Variants in TTLL10 observed in about 807,000 individuals in gnomAD.
The protein encoded by TTLL10 is tubulin tyrosine ligase like 10.
TTLL10 carries 61 observed loss-of-function variants against 69.0 expected under a neutral mutation model. That is an observed-to-expected ratio of 0.88 (90% CI 0.72 to 1.09). The LOEUF is 1.09. Ranked by LOEUF, TTLL10 falls within the 50% of genes least tolerant of loss-of-function variation. The pLI is 0.00. For synonymous variants in TTLL10, 408 were observed against 393.3 expected (o/e 1.04, Z -0.44); for missense variants, 962 against 945.9 (o/e 1.02, Z -0.22).
At position 1,184,101 on chromosome 1, in the gene TTLL10, C is replaced by T. The variant is rs375453092; in HGVS notation, c.1260+10C>T. On this transcript the variant is annotated intron_variant, in intron 12 of 15. Coordinates refer to ENST00000379289, the MANE Select transcript of TTLL10 (RefSeq NM_001130045.2). Reference sequence around the variant, plus strand: ...CCACTTGACCAACCAGGTGAGTCTGCCATGGGTGAGGGCCCTCCCTGCAGC... The same window carrying T: ...CCACTTGACCAACCAGGTGAGTCTGTCATGGGTGAGGGCCCTCCCTGCAGC... 9 of 1,614,012 alleles carry T rather than the reference C, an allele frequency of 5.6e-6. 1 individual carries two copies. The highest frequency in any genetic ancestry group is 2.7e-5 in the African/African-American group (2 of 74,930).
Position 1,181,548 on chromosome 1 carries a change from A to G in TTLL10, c.756-193A>G, listed in dbSNP as rs1232940031. Among the ~76,000 whole-genome samples the G allele has an allele frequency of 1.3e-5, 2 of 151,804 alleles. No individual in the cohort carries two copies. The highest frequency in any genetic ancestry group is 2.9e-5 in the Non-Finnish European group (2 of 67,974). On this transcript the variant is annotated intron_variant, in intron 8 of 15. Coordinates refer to ENST00000379289, the MANE Select transcript of TTLL10 (RefSeq NM_001130045.2). This position sits in a 1 kb window ranked among gnomAD's most constrained non-coding sequence, Gnocchi z 4.6. Reference sequence around the variant, plus strand: ...TTGCCTGTGACACCAGCTTTACACCATGTCCAGCGTCCACTTCCAGCCTAG... The same window carrying G: ...TTGCCTGTGACACCAGCTTTACACCGTGTCCAGCGTCCACTTCCAGCCTAG...
intron 8 of TTLL10, 137 bp downstream of exon 8, chr1:1,180,997 C>G (rs967317414): frequency 9.7e-5 from 72 of 744,444 alleles, no homozygotes; most frequent in Non-Finnish European, 1.2e-4. Flanking sequence ...CCCAGGCTCC[C>G]AGGCTGGCTC....
rs1344499917 is a variant in TTLL10, at chr1:1,180,513, G to T, written c.537G>T (p.Trp179Cys). The part of the protein sequence containing the change: ...IISSYCKSKG[W>C]QRIHDSRRDD... Reference sequence around the variant, plus strand: ...GCTCCTACTGCAAAAGCAAGGGCTGGCAGCGCATCCATGACAGCCGCCGGG... The same window carrying T: ...GCTCCTACTGCAAAAGCAAGGGCTGTCAGCGCATCCATGACAGCCGCCGGG... Residue 179 changes from tryptophan (W) to cysteine (C), a missense_variant, in exon 7 of 16, where the codon TGG becomes TGT. Physicochemically the swap from Trp to Cys is radical, Grantham distance 215. Transcript: ENST00000379289. The T allele has an allele frequency of 6.4e-7, 1 of 1,552,912 alleles. No individual in the cohort carries two copies. The highest frequency in any genetic ancestry group is 8.7e-7 in the Non-Finnish European group (1 of 1,148,108).
intron 13 of TTLL10, among the ~76,000 whole-genome samples, chr1:1,191,573 T>C (rs1268042399): frequency 6.6e-6 from 1 of 152,168 alleles, no homozygotes; most frequent in Non-Finnish European, 1.5e-5. Flanking sequence ...TGTTTTTGGG[T>C]GTAGTGTTCT....
chr1:1,182,597 G>A (rs894094016), intron 10 of TTLL10, 151 bp downstream of exon 10: 13 of 924,964 alleles, frequency 1.4e-5, no homozygotes, highest in Non-Finnish European at 1.7e-6. Flanking sequence ...CCAGGGCTGG[G>A]CCTGGTCTGG....
At position 1,181,704 on chromosome 1, in the gene TTLL10, G is replaced by T. The variant is rs752289175; in HGVS notation, c.756-37G>T. 112 of 1,557,480 alleles carry T rather than the reference G, an allele frequency of 7.2e-5. No homozygotes were observed. The highest frequency in any genetic ancestry group is 9.6e-5 in the Non-Finnish European group (110 of 1,150,434). On this transcript the variant is annotated intron_variant, in intron 8 of 15. Coordinates refer to ENST00000379289, the MANE Select transcript of TTLL10 (RefSeq NM_001130045.2). This position sits in a 1 kb window ranked among gnomAD's most constrained non-coding sequence, Gnocchi z 4.6. ...CACCCGCTCCAAGCACCATGAGCTG[G>T]CCCCTCAGTCCAGGCCCTCTGTCCC...
intron 8 of TTLL10, 70 bp downstream of exon 8, chr1:1,180,930 C>T (rs1413489669): frequency 2.1e-5 from 28 of 1,364,036 alleles, no homozygotes; most frequent in African/African-American, 1.2e-4. Context: ...CCTGCCCCTG[C>T]ACCCGCCCCA....
rs111789193 is a variant in TTLL10 at position 1,189,036 on chromosome 1, G to A, written c.1401+3927G>A. 6.6e-3 allele frequency among the ~76,000 whole-genome samples: 998 copies of A among 152,188 alleles called. 13 individuals are homozygous for A. Among genetic ancestry groups the A allele is most frequent in the African/African-American group, 0.02 (850 of 41,502 alleles). ...TCAACTTTCCTGAATTCACTTATTA[G>A]CTCCGTGTGTGTGTGCACTCTTCAA... On this transcript the variant is annotated intron_variant, in intron 13 of 15. Coordinates refer to ENST00000379289, the MANE Select transcript of TTLL10 (RefSeq NM_001130045.2).
At chr1:1,182,334 T>C in intron 9 of TTLL10, 27 bp from the exon 10 acceptor site, 6 of 1,602,406 alleles carry the variant, frequency 3.7e-6, no homozygotes, top group Non-Finnish European at 5.1e-6. Flanking sequence ...GGACAGCAGC[T>C]CATCCTCCTG....
At chr1:1,190,260 T>C (rs1647659764) in intron 13 of TTLL10, among the ~76,000 whole-genome samples, 1 of 151,360 alleles carries the variant, frequency 6.6e-6, no homozygotes, top group Non-Finnish European at 1.5e-5. Flanking sequence ...TTTTTTTTTT[T>C]CTTTTTGGTC....
Position 1,185,395 on chromosome 1 carries a change from G to A in TTLL10, c.1401+286G>A, listed in dbSNP as rs567832418. ...AGGGTCAGGGGACAGCTCGGCTTCA[G>A]TGACAGCCACCATGTGAAGAGTCTT... is the stretch of plus-strand genomic sequence containing the variant. On this transcript the variant is annotated intron_variant, in intron 13 of 15. Transcript: ENST00000379289. The surrounding 1 kb of genome is among the most constrained non-coding windows in gnomAD (Gnocchi z 6.1). 7.8e-7 allele frequency: 1 copy of A among 1,281,898 alleles called. No homozygotes were observed. Among genetic ancestry groups the A allele is most frequent in the East Asian group, 3.5e-5 (1 of 28,958 alleles). The allele number at this position is 1,281,898 out of a possible 1,614,324, so 79.4% of individuals were successfully genotyped here.
In TTLL10 at chr1:1,196,604, G is replaced by A. The variant is rs747664281; in HGVS notation, c.1406G>A (p.Arg469Gln). ...KDWVFTTLKKRMQQIMAHCFL... is the reference protein window; with the variant it reads ...KDWVFTTLKKQMQQIMAHCFL... ...TGCCTCCCTGCCTCCCTGCAGAAGC[G>A]GATGCAGCAGATCATGGCCCACTGC... The change falls in exon 14 of 16, where the codon CGG (arginine) becomes CAG (glutamine). Residue 469 changes from arginine to glutamine, a missense_variant. Transcript: ENST00000379289. 31 of 1,551,234 alleles carry A rather than the reference G, an allele frequency of 2.0e-5. No homozygotes were observed. The highest frequency in any genetic ancestry group is 1.7e-4 in the Middle Eastern group (1 of 6,010).
chr1:1,180,402 C>T, intron 6 of TTLL10, 62 bp downstream of exon 6: 1 of 1,540,466 alleles, frequency 6.5e-7, no homozygotes, highest in Non-Finnish European at 8.8e-7. Flanking sequence ...TCCCGGGGCC[C>T]AGCCCGGCCT....
chr1:1,196,201 T>A lies in TTLL10; in HGVS notation c.1402-399T>A, dbSNP rs9329409. On this transcript the variant is annotated intron_variant, in intron 13 of 15. Coordinates refer to ENST00000379289, the MANE Select transcript of TTLL10 (RefSeq NM_001130045.2). The stretch of plus-strand genomic sequence containing the variant: ...TGCTATCTCCAGTTCTGGGGATGCA[T>A]GCTGTTGGTTTTTTGAGGCAACCAT... Among the ~76,000 whole-genome samples the A allele has an allele frequency of 3.3e-5, 5 of 152,198 alleles. No homozygotes were observed. The East Asian group carries it at 9.7e-4, about 29-fold the overall frequency.
At position 1,197,542 on chromosome 1, in the gene TTLL10, C is replaced by T. The variant is rs1026823932; in HGVS notation, c.1717C>T (p.Arg573Trp). The change falls in exon 16 of 16, where the codon CGG becomes TGG. Residue 573 changes from arginine to tryptophan, a missense_variant. Coordinates refer to ENST00000379289, the MANE Select transcript of TTLL10 (RefSeq NM_001130045.2). ...VLLHNGEADP[R>W]PHLGGSCSLR... is the part of the protein sequence containing the mutation. ...CCTGCACAACGGTGAGGCCGACCCGCGGCCGCACCTGGGGGGCTCGTGCAG... is the reference window on the plus strand; with the variant it reads ...CCTGCACAACGGTGAGGCCGACCCGTGGCCGCACCTGGGGGGCTCGTGCAG... 14 of 1,526,046 alleles carry T rather than the reference C, an allele frequency of 9.2e-6. No individual in the cohort carries two copies. Among genetic ancestry groups the T allele is most frequent in the African/African-American group, 6.9e-5 (5 of 72,238 alleles). The allele number at this position is 1,526,046 out of a possible 1,614,324, so 94.5% of individuals were successfully genotyped here.
At position 1,180,225 on chromosome 1, in the gene TTLL10, G is replaced by C. The variant is rs116712279; in HGVS notation, c.391G>C (p.Ala131Pro). 6.2e-7 allele frequency: 1 copy of C among 1,608,944 alleles called. No homozygotes were observed. The highest frequency in any genetic ancestry group is 1.3e-5 in the African/African-American group (1 of 74,858). Residue 131 changes from alanine to proline, a missense_variant, in exon 6 of 16, where the codon GCC becomes CCC. By Grantham distance (27) the Ala-to-Pro change is conservative. Transcript: ENST00000379289. Reference sequence around the variant, plus strand: ...TGCAGACTCGGATGACACTAACGCCGCCGGGCCCTCAGCTGCCCTCCTGGA... The same window carrying C: ...TGCAGACTCGGATGACACTAACGCCCCCGGGCCCTCAGCTGCCCTCCTGGA... Reference protein sequence around the residue: ...RPADSDDTNAAGPSAALLEGL... With the variant: ...RPADSDDTNAPGPSAALLEGL...
At chr1:1,189,872 G>A (rs1162689150) in intron 13 of TTLL10, among the ~76,000 whole-genome samples, 3 of 151,994 alleles carry the variant, frequency 2.0e-5, no homozygotes, top group Admixed American at 6.6e-5. Flanking sequence ...CAGCACTTTG[G>A]GAGGCCGAGG....
At chr1:1,179,793 C>T (rs912801332) in intron 5 of TTLL10, 56 bp downstream of exon 5, 29 of 1,491,552 alleles carry the variant, frequency 1.9e-5, no homozygotes, top group Non-Finnish European at 2.6e-5. Flanking sequence ...TCCCCACCCC[C>T]ACCTGGAACC....
Position 1,181,241 on chromosome 1 carries a change from AACCC to A in TTLL10, c.755+385_755+388del, listed in dbSNP as rs1647059166. On this transcript the variant is annotated intron_variant, in intron 8 of 15. Coordinates refer to ENST00000379289, the MANE Select transcript of TTLL10 (RefSeq NM_001130045.2). The surrounding 1 kb of genome is among the most constrained non-coding windows in gnomAD (Gnocchi z 4.6). ...CCATCTCACAGACCCACCCAGGTAC[AACCC>A]ACCTGTCAATCTGCCTTCACCCCAA... Among the ~76,000 whole-genome samples, 1 of 151,702 alleles carries A rather than the reference AACCC, an allele frequency of 6.6e-6. No individual in the cohort carries two copies. Among genetic ancestry groups the A allele is most frequent in the South Asian group, 2.1e-4 (1 of 4,808 alleles).
Sources: gnomAD v4.1 joint callset for allele counts (sites outside exome capture counted in the v4.1 genomes callset) on GRCh38, gnomAD v4.1.1 for gene constraint, Gnocchi (gnomAD v3.1) non-coding constraint, MANE v1.5 for transcripts, NCBI Gene and HGNC (gene_info 2026-07-23, HGNC 2026-07-21) for gene names.